Variants in MTHFS observed in about 807,000 individuals in gnomAD.
MTHFS encodes methenyltetrahydrofolate synthetase.
In MTHFS, 7 loss-of-function variants were observed where a neutral mutation model predicts 12.7. The ratio of observed to expected loss-of-function variants is 0.55; its 90% CI spans 0.31 to 1.03. MTHFS has a LOEUF of 1.03. MTHFS is among the 50% of genes least tolerant of loss of function. The pLI, the probability that MTHFS is intolerant of heterozygous loss-of-function variation, is 0.05. For synonymous variants in MTHFS, 100 were observed against 97.1 expected (o/e 1.03, Z -0.18); for missense variants, 252 against 258.1 (o/e 0.98, Z 0.16).
At chr15:79,858,531 T>C (rs2033852012) in intron 2 of MTHFS, among the ~76,000 whole-genome samples, 1 of 152,164 alleles carries the variant, frequency 6.6e-6, no homozygotes, top group Non-Finnish European at 1.5e-5. Flanking sequence ...ATCTACAAAA[T>C]GAAAAACTGA....
intron 2 of MTHFS, among the ~76,000 whole-genome samples, chr15:79,875,410 G>A (rs2141364074): frequency 6.6e-6 from 1 of 152,206 alleles, no homozygotes; most frequent in South Asian, 2.1e-4. Context: ...TGCCAGCCAA[G>A]AATTCTATCT....
chr15:79,882,954 C>T (rs62027993), intron 2 of MTHFS, among the ~76,000 whole-genome samples: 17,715 of 152,242 alleles, frequency 0.12, 1,179 homozygotes, highest in Middle Eastern at 0.18. Context: ...GCCTATAATC[C>T]CAGCACTCTG....
chr15:79,869,250 A>G (rs974614542), intron 2 of MTHFS, among the ~76,000 whole-genome samples: 3 of 152,250 alleles, frequency 2.0e-5, no homozygotes, highest in Admixed American at 1.3e-4. Context: ...GTTAAATTCT[A>G]TATCTCTCAC....
At chr15:79,881,116 A>T (rs2141369862) in intron 2 of MTHFS, among the ~76,000 whole-genome samples, 1 of 152,366 alleles carries the variant, frequency 6.6e-6, no homozygotes, top group South Asian at 2.1e-4. Flanking sequence ...ATACACAAAA[A>T]CATAGAAACC....
At chr15:79,881,792 G>C (rs868539394) in intron 2 of MTHFS, among the ~76,000 whole-genome samples, 3 of 152,180 alleles carry the variant, frequency 2.0e-5, no homozygotes, top group African/African-American at 7.2e-5. Context: ...GAAGAAAAAT[G>C]GCACTTCAAA....
chr15:79,878,987 A>T (rs2034248834), intron 2 of MTHFS, among the ~76,000 whole-genome samples: 1 of 151,396 alleles, frequency 6.6e-6, no homozygotes, highest in Non-Finnish European at 1.5e-5. Flanking sequence ...GATGAATACT[A>T]ATCTGAAACA....
intron 2 of MTHFS, among the ~76,000 whole-genome samples, chr15:79,847,094 G>A (rs992003248): frequency 3.3e-5 from 5 of 152,214 alleles, no homozygotes; most frequent in Non-Finnish European, 5.9e-5. Flanking sequence ...GAGAGCAAAC[G>A]CTGGGTGGTC....
At chr15:79,889,462 A>G (rs571092720) in intron 1 of MTHFS, 108 bp from the exon 2 acceptor site, 12 of 1,363,012 alleles carry the variant, frequency 8.8e-6, no homozygotes. Context: ...TAAATATTAA[A>G]AAGAAAAAAA....
intron 2 of MTHFS, among the ~76,000 whole-genome samples, chr15:79,858,671 A>G (rs4779165): frequency 0.14 from 21,383 of 152,236 alleles, 1,641 homozygotes; most frequent in Middle Eastern, 0.18. Flanking sequence ...TTTGTAAAAC[A>G]CTGACATCTG....
intron 2 of MTHFS, among the ~76,000 whole-genome samples, chr15:79,868,323 G>A (rs770948447): frequency 6.6e-6 from 1 of 152,212 alleles, no homozygotes; most frequent in Non-Finnish European, 1.5e-5. Context: ...TGTTGAGAAT[G>A]AGTCATTATT....
At chr15:79,873,628 G>C (rs1456899995) in intron 2 of MTHFS, among the ~76,000 whole-genome samples, 1 of 152,110 alleles carries the variant, frequency 6.6e-6, no homozygotes. Context: ...GCTGACCAAA[G>C]ACTGAGTAGG....
intron 2 of MTHFS, among the ~76,000 whole-genome samples, chr15:79,860,012 C>T (rs2033882656): frequency 6.6e-6 from 1 of 152,028 alleles, no homozygotes; most frequent in Non-Finnish European, 1.5e-5. Flanking sequence ...TAAAAGAAAA[C>T]ATTAATAAAC....
At chr15:79,894,552 T>C (rs1295772215) in intron 1 of MTHFS, among the ~76,000 whole-genome samples, 1 of 152,236 alleles carries the variant, frequency 6.6e-6, no homozygotes, top group Non-Finnish European at 1.5e-5. Context: ...GTCGTCATTC[T>C]ATTGCTGTCA....
At chr15:79,873,427 T>A (rs1355669879) in intron 2 of MTHFS, among the ~76,000 whole-genome samples, 1 of 152,162 alleles carries the variant, frequency 6.6e-6, no homozygotes, top group Non-Finnish European at 1.5e-5. Context: ...TAGTAAGTAC[T>A]CAAGAAATTT....
chr15:79,862,299 C>A (rs2033930808), intron 2 of MTHFS, among the ~76,000 whole-genome samples: 1 of 152,196 alleles, frequency 6.6e-6, no homozygotes, highest in Non-Finnish European at 1.5e-5. Flanking sequence ...ACCTTTCCCT[C>A]AAATTTTATT....
At chr15:79,896,729 GGGAGGGGAAACGTGCGCGCGCC>G (rs2034579808) in intron 1 of MTHFS, 121 bp downstream of exon 1, 1 of 819,920 alleles carries the variant, frequency 1.2e-6, no homozygotes, top group Non-Finnish European at 1.6e-6. Context: ...TGCGCGCGCC[GGGAGGGGAAACGTGCGCGCGCC>G]GGGGGGTGGG....
intron 2 of MTHFS, among the ~76,000 whole-genome samples, chr15:79,874,122 C>T (rs113659180): frequency 5.3e-5 from 8 of 152,320 alleles, no homozygotes; most frequent in African/African-American, 1.9e-4. Flanking sequence ...ATCTAAATCA[C>T]TGGCTCAGAA....
At chr15:79,848,098 A>C (rs902660512) in intron 2 of MTHFS, among the ~76,000 whole-genome samples, 2 of 152,250 alleles carry the variant, frequency 1.3e-5, no homozygotes, top group African/African-American at 4.8e-5. Context: ...TATGGAAACA[A>C]GTATGCATCG....
At chr15:79,870,425 C>T (rs915148613) in intron 2 of MTHFS, among the ~76,000 whole-genome samples, 1 of 152,008 alleles carries the variant, frequency 6.6e-6, no homozygotes, top group African/African-American at 2.4e-5. Context: ...AAAATAATTG[C>T]CAAATCCTGG....
Sources: allele counts gnomAD v4.1 joint callset (sites outside exome capture counted in the v4.1 genomes callset), GRCh38; gene constraint gnomAD v4.1.1; transcripts MANE v1.5; gene names NCBI Gene and HGNC (gene_info 2026-07-23, HGNC 2026-07-21).